SRRM1: variants seen among roughly 807,000 people sequenced by gnomAD.
SRRM1 encodes serine and arginine repetitive matrix 1.
In SRRM1, 19 loss-of-function variants were observed where a neutral mutation model predicts 110.2. That is an observed-to-expected ratio of 0.17 (90% confidence interval 0.12 to 0.25). SRRM1 has a LOEUF of 0.25. Among genes scored for constraint, SRRM1 ranks in the 10% least tolerant of loss-of-function variants. The pLI is 1.00. For synonymous variants in SRRM1, 443 were observed against 414.9 expected, an observed-to-expected ratio of 1.07 and a Z score of -0.82; for missense variants, 918 against 1,145.8, an observed-to-expected ratio of 0.80 and a Z score of 2.87.
intron 12 of SRRM1, among the ~76,000 whole-genome samples, chr1:24,665,667 C>G (rs1232418577): frequency 6.6e-6 from 1 of 152,144 alleles, no homozygotes; most frequent in Non-Finnish European, 1.5e-5. Context: ...AAGCCCAGAT[C>G]GTGCCAGTGC....
At chr1:24,645,828 G>C (rs1239362543) in intron 1 of SRRM1, among the ~76,000 whole-genome samples, 156 bp from the exon 2 acceptor site, 1 of 152,192 alleles carries the variant, frequency 6.6e-6, no homozygotes, top group Non-Finnish European at 1.5e-5. Context: ...CCAAGTATCA[G>C]CTACATTGGG....
At chr1:24,665,359 G>T (rs1205177555) in intron 12 of SRRM1, among the ~76,000 whole-genome samples, 2 of 151,954 alleles carry the variant, frequency 1.3e-5, no homozygotes, top group African/African-American at 4.8e-5. Flanking sequence ...AATCCGGGAG[G>T]TGGAGGTTGC....
chr1:24,653,774 A>G (rs1459783132), intron 8 of SRRM1, among the ~76,000 whole-genome samples: 1 of 152,212 alleles, frequency 6.6e-6, no homozygotes, highest in East Asian at 1.9e-4. Flanking sequence ...CCTTCTTGCA[A>G]TACGTTTCAC....
intron 6 of SRRM1, among the ~76,000 whole-genome samples, chr1:24,652,025 T>TA (rs1162964267): frequency 6.2e-5 from 6 of 97,528 alleles, no homozygotes; most frequent in African/African-American, 1.9e-4. Flanking sequence ...CCATCTGTAC[T>TA]AAAAATATAT....
chr1:24,649,936 C>A, intron 4 of SRRM1, 35 bp from the exon 5 acceptor site: 2 of 1,510,654 alleles, frequency 1.3e-6, no homozygotes, highest in South Asian at 2.7e-5. Flanking sequence ...CTCAAATGTT[C>A]AACTATGTGT....
intron 9 of SRRM1, among the ~76,000 whole-genome samples, chr1:24,659,168 T>G (rs1162324153): frequency 6.7e-6 from 1 of 149,872 alleles, no homozygotes; most frequent in Admixed American, 6.7e-5. Flanking sequence ...CACTCCAGCC[T>G]AGGCAACAAG....
At position 24,663,771 on chromosome 1, in the gene SRRM1, G is replaced by A. The variant is rs565964338; in HGVS notation, c.1628+967G>A. On this transcript the variant is annotated intron_variant, in intron 12 of 16. Coordinates refer to ENST00000323848, the MANE Select transcript of SRRM1 (RefSeq NM_005839.4). Reference sequence around the variant, plus strand: ...GCGTGCCTGTAATCCCAGCTACTCGGAAGGCTGAGGCAGGAGAATCGCTTG... The same window carrying A: ...GCGTGCCTGTAATCCCAGCTACTCGAAAGGCTGAGGCAGGAGAATCGCTTG... Among the ~76,000 whole-genome samples the A allele has an allele frequency of 2.4e-4, 36 of 151,740 alleles. No homozygotes were observed. In the South Asian group the frequency reaches 7.5e-3, roughly 32 times the overall value.
Position 24,669,091 on chromosome 1 carries a change from C to T in SRRM1, c.1740-32C>T, listed in dbSNP as rs780949587. ...CATCCTGTTTCTGTATTTTGTTGAG[C>T]CTTTCAGCTTAATTATGTATCTTTT... On this transcript the variant is annotated intron_variant, in intron 13 of 16. Coordinates refer to ENST00000323848, the MANE Select transcript of SRRM1 (RefSeq NM_005839.4). 10 of 1,573,988 alleles carry T rather than the reference C, an allele frequency of 6.4e-6. No homozygotes were observed. In the Admixed American group the frequency reaches 1.8e-4, roughly 28 times the overall value.
chr1:24,644,152 C>T (rs1391661231), intron 1 of SRRM1, among the ~76,000 whole-genome samples: 1 of 152,158 alleles, frequency 6.6e-6, no homozygotes, highest in East Asian at 1.9e-4. Flanking sequence ...TAGGCTCTGC[C>T]AGCGTCGTCT....
At chr1:24,651,684 A>G in intron 6 of SRRM1, 72 bp downstream of exon 6, 1 of 1,167,820 alleles carries the variant, frequency 8.6e-7, no homozygotes, top group African/African-American at 1.6e-5. Context: ...ATGACATCTG[A>G]GTTAAAATAA....
chr1:24,670,930 A>C (rs1344807417), intron 15 of SRRM1, among the ~76,000 whole-genome samples: 1 of 152,196 alleles, frequency 6.6e-6, no homozygotes, highest in Non-Finnish European at 1.5e-5. Flanking sequence ...TCCCCACTCT[A>C]AAGATAGGAG....
In SRRM1 at chr1:24,666,935, C is replaced by A. The variant is rs762217014; in HGVS notation, c.1739+10C>A. The A allele has an allele frequency of 6.3e-7, 1 of 1,590,014 alleles. No individual in the cohort carries two copies. The highest frequency in any genetic ancestry group is 8.6e-7 in the Non-Finnish European group (1 of 1,168,692). ...CACCACCACGACGAAGGTACTTTGT[C>A]AAATATGCTAACTGGAGCATCTCCC... is the stretch of plus-strand genomic sequence containing the variant. On this transcript the variant is annotated intron_variant, in intron 13 of 16. Transcript: ENST00000323848.
At chr1:24,660,243 CAG>C (rs1344475386) in intron 9 of SRRM1, among the ~76,000 whole-genome samples, 4 of 152,156 alleles carry the variant, frequency 2.6e-5, no homozygotes, top group East Asian at 1.9e-4. Flanking sequence ...GTGTAGCACA[CAG>C]AGGTTTACTT....
intron 11 of SRRM1, 42 bp from the exon 12 acceptor site, chr1:24,662,618 G>T (rs777922109): frequency 3.8e-6 from 6 of 1,598,842 alleles, no homozygotes; most frequent in Non-Finnish European, 4.3e-6. Context: ...ACAGATTCAA[G>T]CACAAACCTA....
At chr1:24,659,187 T>C (rs1665872862) in intron 9 of SRRM1, among the ~76,000 whole-genome samples, 1 of 150,386 alleles carries the variant, frequency 6.6e-6, no homozygotes, top group South Asian at 2.1e-4. Context: ...AGAGCGAAAC[T>C]CTGTCTCAAA....
Position 24,669,275 on chromosome 1 carries a change from C to T in SRRM1, c.1892C>T (p.Pro631Leu). ...CGAAGAGCATCACCATCTCCACCAC[C>T]AAAGCGGCGGGTCTCCCATTCTCCA... ...PKRRASPSPP[P>L]KRRVSHSPPP... The change falls in exon 14 of 17, where the codon CCA (proline) becomes CTA (leucine). Residue 631 changes from proline to leucine, a missense_variant. Pro to Leu is a moderately conservative substitution (Grantham distance 98, BLOSUM62 -3). Transcript: ENST00000323848. The T allele has an allele frequency of 6.2e-7, 1 of 1,614,162 alleles. No individual in the cohort carries two copies. The highest frequency in any genetic ancestry group is 1.6e-4 in the Middle Eastern group (1 of 6,062).
rs1661837667 is a variant in SRRM1, at chr1:24,652,942, C to G, written c.950C>G (p.Pro317Arg). Residue 317 changes from proline to arginine, a missense_variant, in exon 8 of 17, where the codon CCA becomes CGA. Pro to Arg is a moderately radical substitution (Grantham distance 103, BLOSUM62 -2). This residue lies in a region of SRRM1 where 456 missense variants were observed against 453.5 expected (regional missense o/e 1.01). Coordinates refer to ENST00000323848, the MANE Select transcript of SRRM1 (RefSeq NM_005839.4). ...TATTCACCTAGAAGGCGGCCAAGCC[C>G]AAGAAGGCGGCCATCTCCTCGAAGA... ...RSYSPRRRPS[P>R]RRRPSPRRRT... 1 of 1,613,930 alleles carries G rather than the reference C, an allele frequency of 6.2e-7. No individual in the cohort carries two copies. The highest frequency in any genetic ancestry group is 8.5e-7 in the Non-Finnish European group (1 of 1,179,926).
At chr1:24,665,621 G>A (rs1172722255) in intron 12 of SRRM1, among the ~76,000 whole-genome samples, 2 of 152,036 alleles carry the variant, frequency 1.3e-5, no homozygotes, top group African/African-American at 4.8e-5. Flanking sequence ...GCTGAGGCAG[G>A]AGAATGGTGT....
intron 11 of SRRM1, 121 bp from the exon 12 acceptor site, chr1:24,662,539 C>A: frequency 1.3e-6 from 1 of 796,700 alleles, no homozygotes; most frequent in Non-Finnish European, 2.0e-6. Context: ...CTGTTCAGAA[C>A]TGATGGCCTG....
Sources: gnomAD v4.1 joint callset for allele counts (sites outside exome capture counted in the v4.1 genomes callset) on GRCh38, gnomAD v4.1.1 for gene constraint, gnomAD v4.1.1 regional missense constraint, MANE v1.5 for transcripts, NCBI Gene and HGNC (gene_info 2026-07-23, HGNC 2026-07-21) for gene names.